NCKAP5: variants seen among roughly 807,000 people sequenced by gnomAD.
NCKAP5 encodes nck-associated protein 5.
Under a neutral mutation model 167.0 loss-of-function variants are expected in NCKAP5, and 92 were observed. The ratio of observed to expected loss-of-function variants is 0.55; its 90% CI spans 0.47 to 0.66. The LOEUF (loss-of-function observed/expected upper bound fraction) is 0.66, where lower values mean the gene tolerates loss of function less well. Among genes scored for constraint, NCKAP5 ranks in the 30% least tolerant of loss-of-function variants. The pLI is 0.00. For missense variants in NCKAP5, 2,378 were observed against 2,315.0 expected (o/e 1.03, Z -0.56); for synonymous variants, 891 against 877.4 (o/e 1.02, Z -0.27).
intron 16 of NCKAP5, among the ~76,000 whole-genome samples, chr2:132,737,200 G>A (rs1456061566): frequency 2.0e-5 from 3 of 152,116 alleles, no homozygotes; most frequent in African/African-American, 4.8e-5. Flanking sequence ...GCTCCATCTC[G>A]GTACACCTGG....
intron 5 of NCKAP5, among the ~76,000 whole-genome samples, chr2:133,171,225 AGTT>A (rs1486242785): frequency 1.3e-5 from 2 of 152,190 alleles, no homozygotes; most frequent in Admixed American, 6.5e-5. Context: ...AAAAGGAGAC[AGTT>A]GTTTTTGTGG....
At chr2:132,767,453 T>C (rs1424681418) in intron 16 of NCKAP5, among the ~76,000 whole-genome samples, 1 of 151,916 alleles carries the variant, frequency 6.6e-6, no homozygotes, top group Non-Finnish European at 1.5e-5. Context: ...TCCCTGTTGG[T>C]CAGGCTGGTC....
chr2:133,123,206 A>G (rs2082303068), intron 6 of NCKAP5: 2 of 152,394 alleles, frequency 1.3e-5, no homozygotes, highest in Admixed American at 1.3e-4. Context: ...ATCATTTATT[A>G]GGCAGAAAGA....
rs771206094 is a variant in NCKAP5, at chr2:132,782,541, C to T, written c.4270G>A (p.Ala1424Thr). Reference protein sequence around the residue: ...CPPTPTDCPEALQSPGRTQHP... With the variant: ...CPPTPTDCPETLQSPGRTQHP... ...TGAGTCCTCCCTGGGCTCTGCAGGGCTTCAGGGCAGTCTGTTGGGGTGGGT... is the reference window on the plus strand; with the variant it reads ...TGAGTCCTCCCTGGGCTCTGCAGGGTTTCAGGGCAGTCTGTTGGGGTGGGT... Residue 1424 changes from alanine (A) to threonine (T), a missense_variant, in exon 14 of 20, where the codon GCC becomes ACC. Transcript: ENST00000409261. 5.7e-6 allele frequency: 9 copies of T among 1,592,292 alleles called. No homozygotes were observed. The Admixed American group carries it at 6.9e-5, about 12-fold the overall frequency.
chr2:132,885,907 C>T (rs188154989), intron 8 of NCKAP5, among the ~76,000 whole-genome samples: 20 of 152,330 alleles, frequency 1.3e-4, no homozygotes, highest in South Asian at 8.3e-4. Flanking sequence ...ATAACAGCTC[C>T]GCTGCAGGCT....
intron 5 of NCKAP5, among the ~76,000 whole-genome samples, chr2:133,175,740 C>A (rs2084433115): frequency 6.6e-6 from 1 of 152,150 alleles, no homozygotes; most frequent in Admixed American, 6.5e-5. Flanking sequence ...CTCTCTCGCC[C>A]CACAGATGGG....
At chr2:132,854,382 C>T (rs1043687733) in intron 11 of NCKAP5, among the ~76,000 whole-genome samples, 2 of 152,164 alleles carry the variant, frequency 1.3e-5, no homozygotes, top group South Asian at 2.1e-4. Flanking sequence ...TCAATGCTGC[C>T]AGGACTTAGT....
intron 3 of NCKAP5, among the ~76,000 whole-genome samples, chr2:133,369,482 T>C (rs879774274): frequency 2.0e-5 from 3 of 152,218 alleles, no homozygotes; most frequent in Non-Finnish European, 4.4e-5. Flanking sequence ...AGTGCTCTTG[T>C]TCGTTAAAGT....
chr2:133,537,385 T>G (rs998439273), intron 2 of NCKAP5, among the ~76,000 whole-genome samples: 2 of 152,124 alleles, frequency 1.3e-5, no homozygotes, highest in Non-Finnish European at 2.9e-5. Flanking sequence ...TAGATCAATC[T>G]GGGGAGTAGT....
At chr2:133,644,693 C>A in the NCKAP5 span, among the ~76,000 whole-genome samples, 2 of 152,202 alleles carry the variant, frequency 1.3e-5, no homozygotes, top group Admixed American at 6.5e-5. Flanking sequence ...GGATGCACAT[C>A]TAGTCCCCTT....
chr2:132,984,376 A>G (rs1168337051), intron 7 of NCKAP5, among the ~76,000 whole-genome samples: 1 of 152,104 alleles, frequency 6.6e-6, no homozygotes, highest in Non-Finnish European at 1.5e-5. Context: ...ACCTTTCTAG[A>G]CCCAGAAACT....
intron 16 of NCKAP5, among the ~76,000 whole-genome samples, chr2:132,765,974 C>A (rs770145194): frequency 2.6e-5 from 4 of 151,912 alleles, no homozygotes; most frequent in African/African-American, 9.7e-5. Context: ...GAGGTAACTT[C>A]GGGAATGAAA....
chr2:133,244,374 AT>A (rs1031365038), intron 4 of NCKAP5, among the ~76,000 whole-genome samples: 1 of 152,178 alleles, frequency 6.6e-6, no homozygotes, highest in Non-Finnish European at 1.5e-5. Context: ...TTTCTCACTG[AT>A]TTTTTTCAGT....
intron 8 of NCKAP5, among the ~76,000 whole-genome samples, chr2:132,895,591 A>G (rs1273810015): frequency 1.4e-4 from 21 of 152,042 alleles, no homozygotes; most frequent in Admixed American, 1.4e-3. Flanking sequence ...CATGGAAGCT[A>G]CAGAAAATGA....
At chr2:133,133,966 A>G (rs2082697888) in intron 5 of NCKAP5, among the ~76,000 whole-genome samples, 1 of 152,212 alleles carries the variant, frequency 6.6e-6, no homozygotes, top group Admixed American at 6.5e-5. Context: ...CATTTCTTTT[A>G]AAAGTGCTAA....
At chr2:133,299,439 C>A (rs1344517569) in intron 4 of NCKAP5, among the ~76,000 whole-genome samples, 1 of 151,928 alleles carries the variant, frequency 6.6e-6, no homozygotes, top group Non-Finnish European at 1.5e-5. Context: ...CTCCCCATGC[C>A]GCAAGGAGAT....
Position 133,007,505 on chromosome 2 carries a change from T to A in NCKAP5, c.342-13266A>T, listed in dbSNP as rs187908963. ...AATTGGTTTAGAGAATAATCTATTA[T>A]ACTAGTTGGGATAGGCTAGGTTATG... is the stretch of plus-strand genomic sequence containing the variant. On this transcript the variant is annotated intron_variant, in intron 6 of 19. Coordinates refer to ENST00000409261, the MANE Select transcript of NCKAP5 (RefSeq NM_207363.3). 1.1e-4 allele frequency among the ~76,000 whole-genome samples: 16 copies of A among 152,280 alleles called. No individual in the cohort carries two copies. The East Asian group carries it at 3.1e-3, about 29-fold the overall frequency.
intron 10 of NCKAP5, among the ~76,000 whole-genome samples, chr2:132,864,209 A>G (rs1690160553): frequency 6.6e-6 from 1 of 152,170 alleles, no homozygotes; most frequent in Non-Finnish European, 1.5e-5. Context: ...TTTTTCTTCT[A>G]TGACTTCCTG....
the NCKAP5 span, among the ~76,000 whole-genome samples, chr2:133,636,687 A>G: frequency 6.6e-6 from 1 of 152,202 alleles, no homozygotes; most frequent in Non-Finnish European, 1.5e-5. Flanking sequence ...AAACAAACAA[A>G]TTAATAAAGA....
Sources: allele counts gnomAD v4.1 joint callset (sites outside exome capture counted in the v4.1 genomes callset), GRCh38; gene constraint gnomAD v4.1.1; transcripts MANE v1.5; gene names NCBI Gene and HGNC (gene_info 2026-07-23, HGNC 2026-07-21).